RIT2: variants seen among roughly 807,000 people sequenced by gnomAD.
RIT2 encodes the protein GTP-binding protein Rit2.
A neutral mutation model predicts 23.7 loss-of-function variants in RIT2; 24 were observed. The observed-to-expected ratio is 1.01, with a 90% CI of 0.73 to 1.43. The LOEUF is 1.43. RIT2 is among the 40% of genes most tolerant of loss of function. The probability of loss-of-function intolerance (pLI) is 0.00; values close to 1 mark genes in which losing one functional copy is unlikely to be tolerated. For missense variants in RIT2, 236 were observed against 266.9 expected, an observed-to-expected ratio of 0.88 and a Z score of 0.81; for synonymous variants, 107 against 91.1, an observed-to-expected ratio of 1.17 and a Z score of -0.99.
chr18:43,049,583 G>GA (rs1646867343), intron 1 of RIT2, among the ~76,000 whole-genome samples: 2 of 152,132 alleles, frequency 1.3e-5, no homozygotes, highest in African/African-American at 4.8e-5. Flanking sequence ...TAAATGTTAT[G>GA]ATAGTTAATT....
At chr18:42,787,501 C>T (rs1913949806) in intron 4 of RIT2, among the ~76,000 whole-genome samples, 1 of 152,116 alleles carries the variant, frequency 6.6e-6, no homozygotes, top group East Asian at 1.9e-4. Flanking sequence ...AAAGAAGCAA[C>T]TGTAAAAATC....
chr18:42,925,470 G>A (rs528489108), intron 3 of RIT2, among the ~76,000 whole-genome samples: 1 of 151,980 alleles, frequency 6.6e-6, no homozygotes, highest in African/African-American at 2.4e-5. Flanking sequence ...GATCTGTTGT[G>A]TCAGTTGTAT....
intron 2 of RIT2, among the ~76,000 whole-genome samples, chr18:42,993,589 C>T (rs542858859): frequency 6.6e-6 from 1 of 152,256 alleles, no homozygotes; most frequent in African/African-American, 2.4e-5. Context: ...AGACAATACT[C>T]TTTTAAGTAC....
At chr18:43,072,019 T>C (rs1057399901) in intron 1 of RIT2, among the ~76,000 whole-genome samples, 2 of 152,116 alleles carry the variant, frequency 1.3e-5, no homozygotes, top group African/African-American at 2.4e-5. Flanking sequence ...GGAGTCTCAC[T>C]CTGTCTCCCA....
At chr18:43,091,079 AAATT>A (rs1442934679) in intron 1 of RIT2, among the ~76,000 whole-genome samples, 1 of 152,006 alleles carries the variant, frequency 6.6e-6, no homozygotes, top group Non-Finnish European at 1.5e-5. Flanking sequence ...TTCTTTAAAT[AAATT>A]AGAGTTTTCA....
intron 2 of RIT2, among the ~76,000 whole-genome samples, chr18:42,993,719 A>G (rs1910909913): frequency 6.6e-6 from 1 of 151,846 alleles, no homozygotes; most frequent in Non-Finnish European, 1.5e-5. Flanking sequence ...CCTTTCCCCC[A>G]GTTCAAAGCC....
intron 1 of RIT2, among the ~76,000 whole-genome samples, chr18:43,077,847 C>A (rs901546812): frequency 6.6e-6 from 1 of 152,136 alleles, no homozygotes; most frequent in South Asian, 2.1e-4. Flanking sequence ...TAGTATGTAG[C>A]ATTTTTTTAG....
At chr18:42,809,979 G>A (rs574922526) in intron 4 of RIT2, among the ~76,000 whole-genome samples, 1 of 141,974 alleles carries the variant, frequency 7.0e-6, no homozygotes, top group African/African-American at 2.6e-5. Flanking sequence ...TATATAATTT[G>A]TATATGTTAT....
At chr18:43,064,538 T>C (rs1912726043) in intron 1 of RIT2, among the ~76,000 whole-genome samples, 1 of 152,160 alleles carries the variant, frequency 6.6e-6, no homozygotes, top group African/African-American at 2.4e-5. Flanking sequence ...GATCAGTAGA[T>C]GGCAGACAGG....
chr18:42,843,930 T>G (rs1221159690), intron 4 of RIT2, among the ~76,000 whole-genome samples: 1 of 152,206 alleles, frequency 6.6e-6, no homozygotes, highest in Admixed American at 6.5e-5. Context: ...AGAGAAAATA[T>G]GTTACCTATT....
chr18:43,048,796 T>C (rs1224877074), intron 1 of RIT2, among the ~76,000 whole-genome samples: 1 of 152,184 alleles, frequency 6.6e-6, no homozygotes, highest in Non-Finnish European at 1.5e-5. Context: ...TCCCATCTGT[T>C]TGAAATATTA....
chr18:43,058,882 C>T (rs1912572572), intron 1 of RIT2, among the ~76,000 whole-genome samples: 2 of 151,874 alleles, frequency 1.3e-5, no homozygotes, highest in Admixed American at 6.6e-5. Flanking sequence ...AGAGTGAGAC[C>T]CTGTCTCAAG....
intron 4 of RIT2, among the ~76,000 whole-genome samples, chr18:42,838,630 G>A (rs1300017390): frequency 6.6e-6 from 1 of 152,074 alleles, no homozygotes; most frequent in Non-Finnish European, 1.5e-5. Flanking sequence ...TTAGTACAAA[G>A]CATCAAAACA....
intron 4 of RIT2, among the ~76,000 whole-genome samples, chr18:42,900,382 T>C (rs911006347): frequency 6.6e-6 from 1 of 152,098 alleles, no homozygotes; most frequent in Non-Finnish European, 1.5e-5. Context: ...GTCCATGCCA[T>C]GACAGGCAGA....
intron 4 of RIT2, among the ~76,000 whole-genome samples, chr18:42,800,656 A>C (rs2143961605): frequency 6.6e-6 from 1 of 151,764 alleles, no homozygotes; most frequent in South Asian, 2.1e-4. Flanking sequence ...CAGCCTCCCG[A>C]GTAGCTGGGA....
chr18:42,953,780 A>G (rs1314857166), intron 3 of RIT2, among the ~76,000 whole-genome samples: 1 of 152,164 alleles, frequency 6.6e-6, no homozygotes, highest in Non-Finnish European at 1.5e-5. Context: ...TCATTTCTAT[A>G]AATAAACGTT....
intron 4 of RIT2, among the ~76,000 whole-genome samples, chr18:42,769,580 A>G (rs968508130): frequency 3.9e-5 from 6 of 152,096 alleles, no homozygotes; most frequent in Admixed American, 3.9e-4. Flanking sequence ...TAAATGTTTT[A>G]AAATAGACTG....
At chr18:42,818,318 T>C (rs925380763) in intron 4 of RIT2, among the ~76,000 whole-genome samples, 1 of 152,084 alleles carries the variant, frequency 6.6e-6, no homozygotes, top group Non-Finnish European at 1.5e-5. Flanking sequence ...CTTTTGCCTG[T>C]TTGTGCTACA....
chr18:42,800,338 C>T (rs1462588213), intron 4 of RIT2, among the ~76,000 whole-genome samples: 1 of 152,042 alleles, frequency 6.6e-6, no homozygotes, highest in Non-Finnish European at 1.5e-5. Context: ...ATATGGAATC[C>T]GGTTTCAACC....
Sources: allele counts gnomAD v4.1 joint callset (sites outside exome capture counted in the v4.1 genomes callset), GRCh38; gene constraint gnomAD v4.1.1; transcripts MANE v1.5; gene names NCBI Gene and HGNC (gene_info 2026-07-23, HGNC 2026-07-21).